Variants in FAM107B observed in about 807,000 individuals in gnomAD.
FAM107B encodes protein FAM107B.
FAM107B carries 21 observed loss-of-function variants against 31.5 expected under a neutral mutation model. The observed-to-expected ratio is 0.67, with a 90% CI of 0.47 to 0.96. The LOEUF (loss-of-function observed/expected upper bound fraction) is 0.96, where lower values mean the gene tolerates loss of function less well. Ranked by LOEUF, FAM107B falls within the 40% of genes least tolerant of loss-of-function variation. The pLI is 0.00. For missense variants in FAM107B, 452 were observed against 377.1 expected (o/e 1.20, Z -1.64); for synonymous variants, 157 against 141.5 (o/e 1.11, Z -0.78).
chr10:14,533,855 T>C (rs1022923770), intron 2 of FAM107B, among the ~76,000 whole-genome samples: 2 of 152,064 alleles, frequency 1.3e-5, no homozygotes, highest in African/African-American at 2.4e-5. Flanking sequence ...TCTTCTCACA[T>C]AGGACCAGTG....
At chr10:14,717,757 G>C (rs74395667) in intron 1 of FAM107B, among the ~76,000 whole-genome samples, 1 of 151,666 alleles carries the variant, frequency 6.6e-6, no homozygotes, top group Admixed American at 6.6e-5. Flanking sequence ...CCCCCTCCCA[G>C]ACACCCAAGA....
chr10:14,761,011 CAAAA>C (rs565835423), intron 1 of FAM107B, among the ~76,000 whole-genome samples: 13 of 77,636 alleles, frequency 1.7e-4, no homozygotes, highest in African/African-American at 5.7e-4. Context: ...GACTCCGTTT[CAAAA>C]AAAAAAAAAA....
chr10:14,546,960 C>G (rs1848751731), intron 2 of FAM107B, among the ~76,000 whole-genome samples: 1 of 152,198 alleles, frequency 6.6e-6, no homozygotes, highest in South Asian at 2.1e-4. Context: ...GCCACTCTAA[C>G]TCTACTTTAA....
At chr10:14,589,947 T>A (rs953303462) in intron 2 of FAM107B, among the ~76,000 whole-genome samples, 1 of 152,112 alleles carries the variant, frequency 6.6e-6, no homozygotes, top group Non-Finnish European at 1.5e-5. Context: ...ATAAAACCAA[T>A]TACAGTCCTA....
intron 2 of FAM107B, among the ~76,000 whole-genome samples, chr10:14,646,635 T>G (rs955161452): frequency 5.3e-5 from 8 of 152,192 alleles, no homozygotes; most frequent in African/African-American, 1.4e-4. Context: ...AATACACATA[T>G]GAGTGCAAGG....
chr10:14,639,998 T>C (rs1853591309), intron 2 of FAM107B, among the ~76,000 whole-genome samples: 2 of 152,278 alleles, frequency 1.3e-5, no homozygotes, highest in Non-Finnish European at 2.9e-5. Flanking sequence ...CTTTGTATAC[T>C]GATGCTGATC....
chr10:14,599,495 C>A (rs1448101634), intron 2 of FAM107B, among the ~76,000 whole-genome samples: 1 of 152,180 alleles, frequency 6.6e-6, no homozygotes, highest in Non-Finnish European at 1.5e-5. Context: ...GGACTATTCA[C>A]GTGTGCTTAA....
intron 2 of FAM107B, among the ~76,000 whole-genome samples, chr10:14,640,135 T>C (rs1000727434): frequency 1.3e-5 from 2 of 152,246 alleles, no homozygotes; most frequent in African/African-American, 2.4e-5. Flanking sequence ...ATATTTTGCA[T>C]TTATTAATTC....
intron 2 of FAM107B, among the ~76,000 whole-genome samples, chr10:14,571,539 A>C (rs1851225624): frequency 6.6e-6 from 1 of 152,208 alleles, no homozygotes; most frequent in African/African-American, 2.4e-5. Context: ...AAGAAATTTT[A>C]GGAAAAAAAA....
At chr10:14,631,954 A>G (rs933675415) in intron 2 of FAM107B, among the ~76,000 whole-genome samples, 1 of 152,150 alleles carries the variant, frequency 6.6e-6, no homozygotes, top group Admixed American at 6.6e-5. Flanking sequence ...AGCCCACGAA[A>G]AAAAGTGCAG....
At chr10:14,719,571 C>A (rs563660286) in intron 1 of FAM107B, among the ~76,000 whole-genome samples, 26 of 152,352 alleles carry the variant, frequency 1.7e-4, no homozygotes, top group Admixed American at 4.6e-4. Flanking sequence ...CTGTTCCTCC[C>A]ATAGCAGACA....
chr10:14,617,834 G>A (rs1852893538), intron 2 of FAM107B, among the ~76,000 whole-genome samples: 2 of 151,810 alleles, frequency 1.3e-5, no homozygotes, highest in Admixed American at 1.3e-4. Context: ...GCGCATGCCT[G>A]TTTTCCCAGC....
intron 1 of FAM107B, among the ~76,000 whole-genome samples, chr10:14,729,717 T>C (rs1003499770): frequency 6.6e-6 from 1 of 152,214 alleles, no homozygotes; most frequent in African/African-American, 2.4e-5. Flanking sequence ...TAAATCATTC[T>C]ACTATAAAGA....
At chr10:14,554,158 G>C (rs1370035757) in intron 2 of FAM107B, 1 of 985,240 alleles carries the variant, frequency 1.0e-6, no homozygotes, top group Non-Finnish European at 1.2e-6. Flanking sequence ...AGTTAGAAAT[G>C]GGCTTTTTCT....
At chr10:14,701,776 AC>A (rs761568385) in intron 1 of FAM107B, among the ~76,000 whole-genome samples, 9 of 152,098 alleles carry the variant, frequency 5.9e-5, no homozygotes, top group African/African-American at 2.4e-5. Flanking sequence ...CAAACCTGTA[AC>A]CTTTGGAAAC....
chr10:14,635,913 T>C (rs1853486666), intron 2 of FAM107B, among the ~76,000 whole-genome samples: 1 of 152,142 alleles, frequency 6.6e-6, no homozygotes, highest in African/African-American at 2.4e-5. Context: ...ATTACAGGCA[T>C]GAGCCACCAT....
At chr10:14,643,684 A>C (rs1326253716) in intron 2 of FAM107B, among the ~76,000 whole-genome samples, 2 of 152,184 alleles carry the variant, frequency 1.3e-5, no homozygotes, top group East Asian at 3.9e-4. Context: ...TGCTGGGATT[A>C]CAGGCGTGAG....
At chr10:14,576,063 T>C (rs1174721077) in intron 2 of FAM107B, among the ~76,000 whole-genome samples, 1 of 152,192 alleles carries the variant, frequency 6.6e-6, no homozygotes, top group Non-Finnish European at 1.5e-5. Context: ...GAAAGTAGAA[T>C]GCTGCTTCCC....
At chr10:14,530,566 T>C in intron 2 of FAM107B, 51 bp from the exon 3 acceptor site, 1 of 1,570,194 alleles carries the variant, frequency 6.4e-7, no homozygotes, top group Non-Finnish European at 8.7e-7. Flanking sequence ...CTAAGGCTTT[T>C]CCCACACATG....
Sources: gnomAD v4.1 joint callset for allele counts (sites outside exome capture counted in the v4.1 genomes callset) on GRCh38, gnomAD v4.1.1 for gene constraint, MANE v1.5 for transcripts, NCBI Gene and HGNC (gene_info 2026-07-23, HGNC 2026-07-21) for gene names.